CENPP: variants seen among roughly 807,000 people sequenced by gnomAD.
The protein encoded by CENPP is centromere protein P.
A neutral mutation model predicts 35.6 loss-of-function variants in CENPP; 24 were observed. The observed-to-expected ratio is 0.67, with a 90% confidence interval of 0.49 to 0.95. The LOEUF (loss-of-function observed/expected upper bound fraction) is 0.95, where lower values mean the gene tolerates loss of function less well. CENPP is among the 40% of genes least tolerant of loss of function. CENPP has a pLI of 0.00. For missense variants in CENPP, 332 were observed against 345.3 expected (o/e 0.96, Z 0.31); for synonymous variants, 120 against 125.5 (o/e 0.96, Z 0.29).
In CENPP at chr9:92,611,404, A is replaced by C; in HGVS notation, c.644+11A>C. On this transcript the variant is annotated intron_variant, in intron 6 of 7. Transcript: ENST00000375587. ...CGCCAGCCGGCCAGGGTGAGCCTGC[A>C]CAGGCCATGGGGCCTCCCATTTCCT... 1 of 1,609,088 alleles carries C rather than the reference A, an allele frequency of 6.2e-7. No individual in the cohort carries two copies. The highest frequency in any genetic ancestry group is 8.5e-7 in the Non-Finnish European group (1 of 1,177,742).
intron 4 of CENPP, among the ~76,000 whole-genome samples, chr9:92,351,217 G>A (rs981207662): frequency 1.3e-5 from 2 of 152,136 alleles, no homozygotes; most frequent in East Asian, 1.9e-4. Flanking sequence ...TTGGCCAGGT[G>A]TGGTGGCTCA....
At chr9:92,349,834 T>C (rs1841399878) in intron 4 of CENPP, among the ~76,000 whole-genome samples, 1 of 152,232 alleles carries the variant, frequency 6.6e-6, no homozygotes, top group South Asian at 2.1e-4. Context: ...ATATGTATAT[T>C]ACACACACAA....
intron 5 of CENPP, among the ~76,000 whole-genome samples, chr9:92,547,438 C>T (rs74396796): frequency 0.012 from 1,760 of 152,304 alleles, 43 homozygotes; most frequent in African/African-American, 0.04. Context: ...GTACAAAATG[C>T]TGCATAGCCA....
intron 5 of CENPP, among the ~76,000 whole-genome samples, chr9:92,411,976 T>G (rs1843455735): frequency 6.6e-6 from 1 of 152,244 alleles, no homozygotes; most frequent in Non-Finnish European, 1.5e-5. Context: ...AGTGAGTTGT[T>G]TGATCTTCTC....
At chr9:92,358,678 T>C (rs1213617733) in intron 4 of CENPP, among the ~76,000 whole-genome samples, 1 of 152,214 alleles carries the variant, frequency 6.6e-6, no homozygotes, top group African/African-American at 2.4e-5. Context: ...TGAATTCCTG[T>C]AGTGAATTTT....
intron 5 of CENPP, among the ~76,000 whole-genome samples, chr9:92,507,391 A>G (rs936377736): frequency 3.9e-5 from 6 of 152,244 alleles, no homozygotes; most frequent in Admixed American, 3.9e-4. Context: ...GAAATGAACT[A>G]GTGGCCATTA....
intron 5 of CENPP, chr9:92,535,792 A>G: frequency 3.4e-6 from 1 of 293,532 alleles, no homozygotes; most frequent in Non-Finnish European, 6.6e-6. Flanking sequence ...AAACAAACAG[A>G]ATAATGCATA....
chr9:92,503,194 A>G (rs1333908339), intron 5 of CENPP, among the ~76,000 whole-genome samples: 1 of 152,250 alleles, frequency 6.6e-6, no homozygotes, highest in African/African-American at 2.4e-5. Flanking sequence ...GTTGCAAGAA[A>G]TGGCATACCA....
chr9:92,367,854 G>A (rs1237490177), intron 4 of CENPP, among the ~76,000 whole-genome samples: 1 of 152,172 alleles, frequency 6.6e-6, no homozygotes, highest in African/African-American at 2.4e-5. Context: ...GACCTCAGGC[G>A]ATTCACCCGC....
At chr9:92,521,175 A>G (rs745414170) in intron 5 of CENPP, among the ~76,000 whole-genome samples, 80 of 152,362 alleles carry the variant, frequency 5.3e-4, no homozygotes, top group African/African-American at 1.9e-3. Flanking sequence ...CAACTTGGAA[A>G]TACTTAGTAT....
At chr9:92,481,805 T>C (rs996194531) in intron 5 of CENPP, among the ~76,000 whole-genome samples, 8 of 152,192 alleles carry the variant, frequency 5.3e-5, no homozygotes, top group Admixed American at 1.3e-4. Flanking sequence ...AAAATGAATA[T>C]TCAAATGTAT....
intron 5 of CENPP, chr9:92,496,279 G>T: frequency 6.5e-7 from 1 of 1,545,956 alleles, no homozygotes; most frequent in South Asian, 1.3e-5. Context: ...ACAAATACAT[G>T]AGTAAAGTTT....
At chr9:92,365,602 G>C (rs1458171758) in intron 4 of CENPP, among the ~76,000 whole-genome samples, 3 of 151,066 alleles carry the variant, frequency 2.0e-5, no homozygotes, top group African/African-American at 7.3e-5. Flanking sequence ...GTAGAGATGG[G>C]GTTTCACCAC....
At chr9:92,442,398 C>CAAAAAAAAAAAAAAAAAAAAAAA (rs71362387) in intron 5 of CENPP, among the ~76,000 whole-genome samples, 1 of 74,480 alleles carries the variant, frequency 1.3e-5, no homozygotes, top group African/African-American at 4.4e-5. Flanking sequence ...AACTCTGTCT[C>CAAAAAAAAAAAAAAAAAAAAAAA]AAAAAAAAAA....
At chr9:92,345,889 T>A (rs1841280797) in intron 4 of CENPP, 102 bp downstream of exon 4, 1 of 660,352 alleles carries the variant, frequency 1.5e-6, no homozygotes. Flanking sequence ...AAATAGGTCT[T>A]CTCTGAAAGT....
At chr9:92,558,852 T>G (rs1488767205) in intron 5 of CENPP, among the ~76,000 whole-genome samples, 2 of 151,938 alleles carry the variant, frequency 1.3e-5, no homozygotes, top group Non-Finnish European at 2.9e-5. Flanking sequence ...TCACTGGAGT[T>G]GTATACCTAG....
intron 5 of CENPP, among the ~76,000 whole-genome samples, chr9:92,409,435 A>G (rs1368451697): frequency 6.6e-6 from 1 of 152,160 alleles, no homozygotes; most frequent in Non-Finnish European, 1.5e-5. Context: ...TCTTTTTTAC[A>G]TCATGGAGCT....
intron 5 of CENPP, among the ~76,000 whole-genome samples, chr9:92,577,808 T>A (rs1423021885): frequency 4.0e-5 from 6 of 151,660 alleles, no homozygotes; most frequent in Admixed American, 2.6e-4. Flanking sequence ...ATTTATTTAT[T>A]ATTATTATAC....
chr9:92,577,512 C>T (rs1453202570), intron 5 of CENPP, among the ~76,000 whole-genome samples: 3 of 152,092 alleles, frequency 2.0e-5, no homozygotes, highest in Admixed American at 1.3e-4. Flanking sequence ...AAACAAAATA[C>T]TGAGCAATAT....
Sources: allele counts gnomAD v4.1 joint callset (sites outside exome capture counted in the v4.1 genomes callset), GRCh38; gene constraint gnomAD v4.1.1; transcripts MANE v1.5; gene names NCBI Gene and HGNC (gene_info 2026-07-23, HGNC 2026-07-21).